Variants in SHB observed in about 807,000 individuals in gnomAD.
SHB encodes the protein SH2 domain-containing adapter protein B.
SHB carries 20 observed loss-of-function variants against 52.3 expected under a neutral mutation model. The observed-to-expected ratio is 0.38, with a 90% CI of 0.27 to 0.56. The LOEUF (loss-of-function observed/expected upper bound fraction) is 0.56, where lower values mean the gene tolerates loss of function less well. Ranked by LOEUF, SHB falls within the 20% of genes least tolerant of loss-of-function variation. The pLI is 0.71. For missense variants in SHB, 825 were observed against 723.3 expected, an observed-to-expected ratio of 1.14 and a Z score of -1.61; for synonymous variants, 397 against 316.5, an observed-to-expected ratio of 1.25 and a Z score of -2.70.
intron 5 of SHB, among the ~76,000 whole-genome samples, chr9:37,935,271 C>G (rs947624034): frequency 6.6e-6 from 1 of 152,208 alleles, no homozygotes; most frequent in African/African-American, 2.4e-5. Context: ...CCTCTGAGAA[C>G]ACTCTGCAGA....
chr9:38,005,781 T>A (rs1821070063), intron 2 of SHB, among the ~76,000 whole-genome samples: 2 of 152,044 alleles, frequency 1.3e-5, no homozygotes, highest in African/African-American at 2.4e-5. Context: ...AATCACGGAA[T>A]CTCCTCCTTC....
chr9:37,921,568 A>G (rs1032023061), intron 5 of SHB, among the ~76,000 whole-genome samples: 1 of 152,234 alleles, frequency 6.6e-6, no homozygotes, highest in African/African-American at 2.4e-5. Flanking sequence ...ATTTCAAGAG[A>G]GACTAATTCC....
chr9:38,056,176 C>T (rs1821813012), intron 1 of SHB, among the ~76,000 whole-genome samples: 1 of 151,892 alleles, frequency 6.6e-6, no homozygotes, highest in Non-Finnish European at 1.5e-5. Flanking sequence ...AGATCATGAG[C>T]AAGCAATACA....
At chr9:37,948,152 C>T (rs1191192843) in intron 5 of SHB, among the ~76,000 whole-genome samples, 8 of 152,158 alleles carry the variant, frequency 5.3e-5, no homozygotes, top group African/African-American at 1.2e-4. Context: ...CCACACAAAC[C>T]GCAAGCCAGA....
chr9:38,060,191 T>G (rs986830490), intron 1 of SHB, among the ~76,000 whole-genome samples: 38 of 152,126 alleles, frequency 2.5e-4, no homozygotes, highest in African/African-American at 8.7e-4. Flanking sequence ...TTATTATTTT[T>G]TGAGATAGTG....
intron 1 of SHB, among the ~76,000 whole-genome samples, chr9:38,066,491 G>A (rs1821962089): frequency 6.6e-6 from 1 of 152,140 alleles, no homozygotes; most frequent in East Asian, 1.9e-4. Flanking sequence ...TGGCTCCCAG[G>A]GAAATCTGCC....
chr9:38,036,007 T>C (rs1030765167), intron 1 of SHB, among the ~76,000 whole-genome samples: 3 of 152,102 alleles, frequency 2.0e-5, no homozygotes, highest in African/African-American at 7.2e-5. Context: ...TCCCCAGTGA[T>C]TTCCCAAACC....
At chr9:37,923,789 T>TC in intron 5 of SHB, among the ~76,000 whole-genome samples, 1 of 152,186 alleles carries the variant, frequency 6.6e-6, no homozygotes, top group East Asian at 1.9e-4. Flanking sequence ...CACCTCTCAC[T>TC]CCCCTGGGGT....
chr9:38,040,184 A>G (rs1406035236), intron 1 of SHB, among the ~76,000 whole-genome samples: 1 of 152,196 alleles, frequency 6.6e-6, no homozygotes, highest in Non-Finnish European at 1.5e-5. Context: ...GCAGCTGAAC[A>G]TTAGGTTCAG....
At chr9:38,009,293 GA>G (rs766028664) in intron 2 of SHB, among the ~76,000 whole-genome samples, 3 of 152,224 alleles carry the variant, frequency 2.0e-5, no homozygotes, top group Admixed American at 1.3e-4. Flanking sequence ...ATGCCACATG[GA>G]GGTGGCTGGG....
chr9:37,940,648 CTT>C lies in SHB; in HGVS notation c.1346+7985_1346+7986del, dbSNP rs112798688. On this transcript the variant is annotated intron_variant, in intron 5 of 5. Transcript: ENST00000377707. Reference sequence around the variant, plus strand: ...TGGCTCAAATGCTGCTAGCAAACAGCTTGCCTGCTGGGAAAGCCAGAGGCAGG... The same window carrying C: ...TGGCTCAAATGCTGCTAGCAAACAGCGCCTGCTGGGAAAGCCAGAGGCAGG... Among the ~76,000 whole-genome samples, 1,210 of 152,352 alleles carry C rather than the reference CTT, an allele frequency of 7.9e-3. 16 individuals are homozygous for C. The highest frequency in any genetic ancestry group is 0.028 in the African/African-American group (1,147 of 41,586).
intron 1 of SHB, among the ~76,000 whole-genome samples, chr9:38,057,298 C>A (rs112575807): frequency 2.3e-4 from 35 of 151,362 alleles, no homozygotes; most frequent in African/African-American, 7.0e-4. Flanking sequence ...ATTTTTGTGG[C>A]GAGAAAAATA....
chr9:37,981,796 G>A (rs115811621), intron 2 of SHB, among the ~76,000 whole-genome samples: 459 of 152,232 alleles, frequency 3.0e-3, no homozygotes, highest in African/African-American at 0.01. Flanking sequence ...AGAATAGAGA[G>A]GCCCAAGGAG....
intron 1 of SHB, among the ~76,000 whole-genome samples, chr9:38,029,968 T>A (rs116852668): frequency 0.01 from 1,556 of 152,350 alleles, 18 homozygotes; most frequent in Middle Eastern, 0.034. Context: ...CACTCCCATA[T>A]GCTTCAGCAC....
At position 37,989,178 on chromosome 9, in the gene SHB, A is replaced by G. The variant is rs182693783; in HGVS notation, c.839-14341T>C. 1.4e-3 allele frequency among the ~76,000 whole-genome samples: 210 copies of G among 152,248 alleles called. 2 individuals carry two copies. Among genetic ancestry groups the G allele is most frequent in the Middle Eastern group, 0.01 (3 of 294 alleles). On this transcript the variant is annotated intron_variant, in intron 2 of 5. Coordinates refer to ENST00000377707, the MANE Select transcript of SHB (RefSeq NM_003028.3). ...TGGACAGCCCTTTCCCCACATGTCCAGAACGTGGTCCTTAGACTAGCTGCT... is the reference window on the plus strand; with the variant it reads ...TGGACAGCCCTTTCCCCACATGTCCGGAACGTGGTCCTTAGACTAGCTGCT...
intron 1 of SHB, among the ~76,000 whole-genome samples, chr9:38,032,811 T>C (rs1821431675): frequency 6.6e-6 from 1 of 152,188 alleles, no homozygotes; most frequent in African/African-American, 2.4e-5. Flanking sequence ...TTTGAAGTTG[T>C]CCCCATGGAG....
At chr9:38,032,457 AG>A (rs780666780) in intron 1 of SHB, among the ~76,000 whole-genome samples, 1 of 152,184 alleles carries the variant, frequency 6.6e-6, no homozygotes, top group Non-Finnish European at 1.5e-5. Context: ...GAAGTTTGAC[AG>A]GAAGAAGCAG....
chr9:38,050,137 T>C (rs1175494320), intron 1 of SHB, among the ~76,000 whole-genome samples: 1 of 152,258 alleles, frequency 6.6e-6, no homozygotes, highest in East Asian at 1.9e-4. Context: ...CAGCTTGCTA[T>C]GGTCCCCAAG....
At chr9:38,043,909 G>A (rs915693112) in intron 1 of SHB, among the ~76,000 whole-genome samples, 25 of 151,514 alleles carry the variant, frequency 1.7e-4, no homozygotes, top group African/African-American at 5.1e-4. Flanking sequence ...AAAAAATTAA[G>A]AAAAGAAACC....
Sources: gnomAD v4.1 joint callset for allele counts (sites outside exome capture counted in the v4.1 genomes callset) on GRCh38, gnomAD v4.1.1 for gene constraint, MANE v1.5 for transcripts, NCBI Gene and HGNC (gene_info 2026-07-23, HGNC 2026-07-21) for gene names.